The following TUBGCP3 variants were observed in gnomAD, a reference collection of about 807,000 sequenced individuals.
The protein encoded by TUBGCP3 is tubulin gamma complex component 3.
A neutral mutation model predicts 123.1 loss-of-function variants in TUBGCP3; 50 were observed. The ratio of observed to expected loss-of-function variants is 0.41; its 90% CI spans 0.32 to 0.51. TUBGCP3 has a LOEUF of 0.51. Among genes scored for constraint, TUBGCP3 ranks in the 20% least tolerant of loss-of-function variants. The pLI, the probability that TUBGCP3 is intolerant of heterozygous loss-of-function variation, is 0.36. For synonymous variants in TUBGCP3, 405 were observed against 413.9 expected (o/e 0.98, Z 0.26); for missense variants, 882 against 1,127.0 (o/e 0.78, Z 3.11).
intron 1 of TUBGCP3, among the ~76,000 whole-genome samples, chr13:112,571,741 T>C (rs1315900784): frequency 6.6e-6 from 1 of 152,226 alleles, no homozygotes; most frequent in African/African-American, 2.4e-5. Flanking sequence ...AAATCTGTTG[T>C]TAGTGTAGCC....
intron 20 of TUBGCP3, among the ~76,000 whole-genome samples, chr13:112,498,198 A>C (rs1223659231): frequency 6.6e-6 from 1 of 152,174 alleles, no homozygotes; most frequent in Non-Finnish European, 1.5e-5. Context: ...CGTTTGACTT[A>C]AGATTTTTTC....
At position 112,547,750 on chromosome 13, in the gene TUBGCP3, T is replaced by C; in HGVS notation, c.1038A>G (p.Leu346=). 3 of 1,477,468 alleles carry C rather than the reference T, an allele frequency of 2.0e-6. No homozygotes were observed. The highest frequency in any genetic ancestry group is 1.4e-5 in the South Asian group (1 of 68,990). 91.5% of individuals were successfully genotyped at this position (1,477,468 alleles called of 1,614,324 possible). A position where few individuals can be genotyped will look rare whatever the true frequency, so the allele number is the denominator to read the frequency against. The change falls in exon 10 of 22, where the codon CTA becomes CTG. Residue 346 remains leucine (L), a splice_region_variant and synonymous_variant. Coordinates refer to ENST00000261965, the MANE Select transcript of TUBGCP3 (RefSeq NM_006322.6). Reference sequence around the variant, plus strand: ...TCACACCCTGGTCATCCTCTAGTTGTAGCTAAAAAACAATAAAGATAGAAA... The same window carrying C: ...TCACACCCTGGTCATCCTCTAGTTGCAGCTAAAAAACAATAAAGATAGAAA... ...YRLLSVLHSQ[L]QLEDDQGVNL...
intron 18 of TUBGCP3, 57 bp from the exon 19 acceptor site, chr13:112,504,220 T>C (rs1315565331): frequency 3.1e-6 from 5 of 1,609,994 alleles, no homozygotes; most frequent in Non-Finnish European, 4.2e-6. Context: ...TAGTGTAGCA[T>C]CACTCATAAA....
intron 16 of TUBGCP3, among the ~76,000 whole-genome samples, chr13:112,517,457 CA>C (rs1391702263): frequency 6.6e-6 from 1 of 152,116 alleles, no homozygotes; most frequent in East Asian, 1.9e-4. Context: ...AGGCAATGTT[CA>C]GTTTACCTAT....
chr13:112,593,349 C>T, the TUBGCP3 span, among the ~76,000 whole-genome samples: 8 of 152,282 alleles, frequency 5.3e-5, no homozygotes, highest in East Asian at 1.5e-3. Context: ...ACCCAGGAAG[C>T]AGAGGTTGCA....
intron 1 of TUBGCP3, among the ~76,000 whole-genome samples, chr13:112,579,132 TCAC>T (rs769285621): frequency 1.3e-5 from 2 of 151,244 alleles, no homozygotes; most frequent in Non-Finnish European, 2.9e-5. Flanking sequence ...AACAGATAAT[TCAC>T]CAAGAAGACA....
At chr13:112,535,610 C>A (rs944014839) in intron 11 of TUBGCP3, among the ~76,000 whole-genome samples, 1 of 152,108 alleles carries the variant, frequency 6.6e-6, no homozygotes, top group Non-Finnish European at 1.5e-5. Flanking sequence ...TTCTCAAACC[C>A]TTTTTAAACT....
intron 8 of TUBGCP3, 93 bp from the exon 9 acceptor site, chr13:112,548,269 C>T: frequency 1.1e-6 from 1 of 882,526 alleles, no homozygotes. Context: ...AGATAAAGTT[C>T]AGGTGGGGTG....
At chr13:112,518,403 T>C (rs1392957723) in intron 16 of TUBGCP3, among the ~76,000 whole-genome samples, 7 of 152,368 alleles carry the variant, frequency 4.6e-5, no homozygotes, top group Admixed American at 3.9e-4. Flanking sequence ...TTAGAGGGTA[T>C]CTTGGTCAAG....
chr13:112,486,256 A>G, intron 21 of TUBGCP3, 105 bp from the exon 22 acceptor site: 1 of 1,378,896 alleles, frequency 7.3e-7, no homozygotes. Flanking sequence ...TTTTCCTTCC[A>G]GATCAACAGG....
intron 9 of TUBGCP3, 145 bp downstream of exon 9, chr13:112,547,963 G>T: frequency 2.3e-6 from 2 of 870,358 alleles, no homozygotes; most frequent in Non-Finnish European, 3.3e-6. Context: ...ACTGAAACTT[G>T]ATATTCAAAC....
In TUBGCP3 at chr13:112,524,673, G is replaced by A. The variant is rs1049082623; in HGVS notation, c.1556-2164C>T. ...AAATTATGTCTGAATGCTTTAGGGT[G>A]AGAGGGCCCATGGCTCTCACATGCC... is the stretch of plus-strand genomic sequence containing the variant. On this transcript the variant is annotated intron_variant, in intron 13 of 21. Coordinates refer to ENST00000261965, the MANE Select transcript of TUBGCP3 (RefSeq NM_006322.6). The surrounding 1 kb of genome is among the most constrained non-coding windows in gnomAD (Gnocchi z 4.4). Among the ~76,000 whole-genome samples, 1 of 152,194 alleles carries A rather than the reference G, an allele frequency of 6.6e-6. No individual in the cohort carries two copies. Among genetic ancestry groups the A allele is most frequent in the Non-Finnish European group, 1.5e-5 (1 of 68,034 alleles).
chr13:112,573,228 A>G (rs1478114103), intron 1 of TUBGCP3, among the ~76,000 whole-genome samples: 1 of 151,674 alleles, frequency 6.6e-6, no homozygotes, highest in Non-Finnish European at 1.5e-5. Context: ...ACAGTATGCC[A>G]TAAATTCAGA....
intron 16 of TUBGCP3, among the ~76,000 whole-genome samples, chr13:112,517,965 T>C (rs897419719): frequency 1.1e-4 from 16 of 152,190 alleles, no homozygotes; most frequent in Admixed American, 1.0e-3. Flanking sequence ...TTTTAAATTG[T>C]TTAGGATATA....
At chr13:112,583,016 G>C (rs1328833849) in intron 1 of TUBGCP3, among the ~76,000 whole-genome samples, 1 of 152,144 alleles carries the variant, frequency 6.6e-6, no homozygotes, top group Non-Finnish European at 1.5e-5. Context: ...AAGCCGGGGT[G>C]AATTAATTCA....
rs190135657 is a variant in TUBGCP3, at chr13:112,567,436, T to A, written c.184+1716A>T. ...CTTTGTAAAGGAAATGGTCTGTTTA[T>A]CACAGTACCTAATTGCTGGAGTCTT... On this transcript the variant is annotated intron_variant, in intron 2 of 21. Coordinates refer to ENST00000261965, the MANE Select transcript of TUBGCP3 (RefSeq NM_006322.6). 8.1e-4 allele frequency among the ~76,000 whole-genome samples: 124 copies of A among 152,362 alleles called. 3 individuals carry two copies. The highest frequency in any genetic ancestry group is 3.0e-3 in the African/African-American group (123 of 41,592).
chr13:112,599,665 C>T, the TUBGCP3 span, among the ~76,000 whole-genome samples: 3 of 151,936 alleles, frequency 2.0e-5, no homozygotes, highest in African/African-American at 7.2e-5. Context: ...TGCCACCAGG[C>T]CCGCCAAGTT....
chr13:112,548,226 G>T, intron 8 of TUBGCP3, 50 bp from the exon 9 acceptor site: 1 of 1,444,452 alleles, frequency 6.9e-7, no homozygotes, highest in South Asian at 1.3e-5. Context: ...ATTACACATT[G>T]ACTGATTTTA....
chr13:112,573,136 G>A (rs1881543584), intron 1 of TUBGCP3, among the ~76,000 whole-genome samples: 1 of 150,974 alleles, frequency 6.6e-6, no homozygotes, highest in Non-Finnish European at 1.5e-5. Flanking sequence ...AACAACGTAG[G>A]GAATAAGAAA....
Sources: allele counts gnomAD v4.1 joint callset (sites outside exome capture counted in the v4.1 genomes callset), GRCh38; gene constraint gnomAD v4.1.1; non-coding constraint Gnocchi (gnomAD v3.1); transcripts MANE v1.5; gene names NCBI Gene and HGNC (gene_info 2026-07-23, HGNC 2026-07-21).